Variants in IRGM observed in about 807,000 individuals in gnomAD.
The protein encoded by IRGM is immunity-related GTPase family M protein.
For missense variants in IRGM, 288 were observed against 219.9 expected, an observed-to-expected ratio of 1.31 and a Z score of -1.96; for synonymous variants, 98 against 80.6, an observed-to-expected ratio of 1.22 and a Z score of -1.16.
intron 3 of IRGM, among the ~76,000 whole-genome samples, chr5:150,884,032 C>G (rs986633519): frequency 6.6e-6 from 1 of 151,934 alleles, no homozygotes; most frequent in South Asian, 2.1e-4. Context: ...TTAAATGGAT[C>G]GCTCACCACA....
At chr5:150,898,621 A>C in intron 3 of IRGM, 1 of 1,468,236 alleles carries the variant, frequency 6.8e-7, no homozygotes, top group Non-Finnish European at 9.2e-7. Context: ...AATGTGCACA[A>C]CTACATCCAC....
At chr5:150,851,428 G>T (rs1328603944), downstream of IRGM, among the ~76,000 whole-genome samples, 3 of 152,172 alleles carry the variant, frequency 2.0e-5, no homozygotes, top group African/African-American at 7.2e-5. Context: ...GACCTCATCA[G>T]GACAGGGATT....
intron 1 of IRGM, among the ~76,000 whole-genome samples, chr5:150,859,071 G>C (rs1309711192): frequency 6.6e-6 from 1 of 152,096 alleles, no homozygotes; most frequent in Non-Finnish European, 1.5e-5. Flanking sequence ...ATTTGTCATA[G>C]GTAGCTGTTA....
chr5:150,896,086 C>T (rs1171464050), intron 3 of IRGM: 4 of 1,613,568 alleles, frequency 2.5e-6, no homozygotes, highest in Middle Eastern at 1.7e-4. Context: ...TTCCCACACT[C>T]TCTACATTCA....
rs200040795 is a variant in IRGM, at chr5:150,886,115, CATG to C, written c.*140+6470_*140+6472del. 9.8e-3 allele frequency among the ~76,000 whole-genome samples: 1,488 copies of C among 152,056 alleles called. 28 individuals are homozygous for C. The highest frequency in any genetic ancestry group is 0.034 in the African/African-American group (1,392 of 41,496). The stretch of plus-strand genomic sequence containing the variant: ...TTATGGAGAGCTTTTAAGATGAAAG[CATG>C]TTGAATTTTATTGAAAGCATTTTCT... On this transcript the variant is annotated intron_variant and NMD_transcript_variant, in intron 3 of 3. Coordinates refer to the IRGM transcript ENST00000520549.
At chr5:150,850,607 C>T (rs934571550), downstream of IRGM, among the ~76,000 whole-genome samples, 5 of 152,112 alleles carry the variant, frequency 3.3e-5, no homozygotes, top group African/African-American at 1.2e-4. Context: ...CTTGCCTAGG[C>T]TGGAGTGCAG....
intron 1 of IRGM, among the ~76,000 whole-genome samples, chr5:150,873,878 C>T (rs1052315622): frequency 4.6e-5 from 7 of 152,176 alleles, no homozygotes; most frequent in African/African-American, 1.7e-4. Context: ...GAGATTAGTG[C>T]CACCATCAAA....
chr5:150,852,101 G>C (rs535234646), downstream of IRGM, among the ~76,000 whole-genome samples: 9 of 152,084 alleles, frequency 5.9e-5, no homozygotes, highest in South Asian at 1.5e-3. Flanking sequence ...CTTGCTTTTT[G>C]CTCATGTTCT....
rs72553866 is a variant in IRGM at position 150,847,840 on chromosome 5, G to A, written c.-284G>A. 526 of 360,442 alleles carry A rather than the reference G, an allele frequency of 1.5e-3. 1 individual carries two copies. Among genetic ancestry groups the A allele is most frequent in the African/African-American group, 0.01 (501 of 48,528 alleles). 22.3% of individuals were successfully genotyped at this position (360,442 alleles called of 1,614,324 possible). On this transcript the variant is annotated 5_prime_UTR_variant, in exon 2 of 2. Coordinates refer to ENST00000522154, the MANE Select transcript of IRGM (RefSeq NM_001145805.2). Reference sequence around the variant, plus strand: ...TTGTTTTGAGATGGAGTCTTGCTCTGTTGCCAGGCTGGAGTGCAATGGCGT... The same window carrying A: ...TTGTTTTGAGATGGAGTCTTGCTCTATTGCCAGGCTGGAGTGCAATGGCGT...
chr5:150,887,122 G>A (rs372762109), intron 3 of IRGM, among the ~76,000 whole-genome samples: 1 of 151,894 alleles, frequency 6.6e-6, no homozygotes, highest in East Asian at 1.9e-4. Flanking sequence ...ATGCAATTCA[G>A]AATATGGACA....
intron 3 of IRGM, chr5:150,896,296 G>A (rs746063592): frequency 6.2e-7 from 1 of 1,613,626 alleles, no homozygotes; most frequent in Non-Finnish European, 8.5e-7. Flanking sequence ...GTTCTCTGAT[G>A]TACAACAAGA....
chr5:150,898,953 A>G (rs1182920283), intron 3 of IRGM, among the ~76,000 whole-genome samples: 1 of 152,100 alleles, frequency 6.6e-6, no homozygotes, highest in Non-Finnish European at 1.5e-5. Flanking sequence ...ACTTGGAAAC[A>G]GGGTCATTGC....
rs1754717920 is a variant in IRGM, at chr5:150,895,390, G to T, written c.*141-5199G>T. On this transcript the variant is annotated intron_variant and NMD_transcript_variant, in intron 3 of 3. Transcript: ENST00000520549. ...GGGTTTCTAGTAATTATTAAGGCTT[G>T]AGCTAATACTAAGGCTTTTCTGTGG... 6 of 1,474,906 alleles carry T rather than the reference G, an allele frequency of 4.1e-6. No homozygotes were observed. The South Asian group carries it at 8.2e-5, about 20-fold the overall frequency. 91.4% of individuals were successfully genotyped at this position (1,474,906 alleles called of 1,614,324 possible). A position where few individuals can be genotyped will look rare whatever the true frequency, so the allele number is the denominator to read the frequency against.
At chr5:150,899,420 TA>T (rs139865848) in intron 3 of IRGM, among the ~76,000 whole-genome samples, 6,704 of 151,790 alleles carry the variant, frequency 0.044, 194 homozygotes, top group East Asian at 0.16. Flanking sequence ...CATTTTTTTT[TA>T]AAAAAAGAAA....
chr5:150,885,914 C>A (rs1022862384), intron 3 of IRGM, among the ~76,000 whole-genome samples: 2 of 151,988 alleles, frequency 1.3e-5, no homozygotes, highest in Non-Finnish European at 2.9e-5. Flanking sequence ...ATTTCTTTTA[C>A]CTGATTGCTC....
At chr5:150,855,081 C>G (rs376172102) in intron 1 of IRGM, among the ~76,000 whole-genome samples, 1 of 152,062 alleles carries the variant, frequency 6.6e-6, no homozygotes, top group African/African-American at 2.4e-5. Flanking sequence ...AGGTTCTTAG[C>G]TTACCATTTT....
At chr5:150,848,914 C>G (rs1202139010), downstream of IRGM, among the ~76,000 whole-genome samples, 2 of 152,052 alleles carry the variant, frequency 1.3e-5, no homozygotes, top group Non-Finnish European at 2.9e-5. Context: ...TAAAAATGAT[C>G]AGTGTCTTAA....
At chr5:150,884,868 CTATT>C (rs983675700) in intron 3 of IRGM, among the ~76,000 whole-genome samples, 6 of 152,160 alleles carry the variant, frequency 3.9e-5, no homozygotes, top group Admixed American at 3.3e-4. Context: ...TGTAGGTTAT[CTATT>C]TACTCTGTTG....
chr5:150,871,367 G>A (rs1289694753), intron 1 of IRGM, among the ~76,000 whole-genome samples: 2 of 152,202 alleles, frequency 1.3e-5, no homozygotes, highest in Admixed American at 1.3e-4. Context: ...GTCTATGTGT[G>A]TTTGTATTTA....
Sources: gnomAD v4.1 joint callset for allele counts (sites outside exome capture counted in the v4.1 genomes callset) on GRCh38, gnomAD v4.1.1 for gene constraint, MANE v1.5 for transcripts, NCBI Gene and HGNC (gene_info 2026-07-23, HGNC 2026-07-21) for gene names.